Variants in THSD7A observed in about 807,000 individuals in gnomAD.
The protein encoded by THSD7A is thrombospondin type-1 domain-containing protein 7A.
THSD7A carries 96 observed loss-of-function variants against 231.3 expected under a neutral mutation model. The ratio of observed to expected loss-of-function variants is 0.41; its 90% CI spans 0.35 to 0.49. The LOEUF is 0.49. Ranked by LOEUF, THSD7A falls within the 20% of genes least tolerant of loss-of-function variation. The pLI, the probability that THSD7A is intolerant of heterozygous loss-of-function variation, is 0.05. For missense variants in THSD7A, 2,290 were observed against 2,070.2 expected (o/e 1.11, Z -2.06); for synonymous variants, 940 against 743.3 (o/e 1.26, Z -4.30).
At chr7:11,557,525 T>C (rs1251529670) in intron 4 of THSD7A, among the ~76,000 whole-genome samples, 3 of 152,094 alleles carry the variant, frequency 2.0e-5, no homozygotes, top group Non-Finnish European at 2.9e-5. Flanking sequence ...GTGACTTTGA[T>C]TGAAACCCAG....
At chr7:11,711,710 T>A (rs1335560602) in intron 1 of THSD7A, among the ~76,000 whole-genome samples, 1 of 151,158 alleles carries the variant, frequency 6.6e-6, no homozygotes, top group Non-Finnish European at 1.5e-5. Context: ...CAGAAGTATG[T>A]AACTTCATAG....
At position 11,814,379 on chromosome 7, in the gene THSD7A, T is replaced by C. The variant is rs970797745; in HGVS notation, c.190+17378A>G. ...GAGATTCATCTCATTTATAATAACA[T>C]GGCACAAAAGTAATTTTCACTCTAA... is the stretch of plus-strand genomic sequence containing the variant. On this transcript the variant is annotated intron_variant, in intron 1 of 27. Transcript: ENST00000423059. This position sits in a 1 kb window ranked among gnomAD's most constrained non-coding sequence, Gnocchi z 5.1. Among the ~76,000 whole-genome samples the C allele has an allele frequency of 2.0e-5, 3 of 152,278 alleles. No individual in the cohort carries two copies. Among genetic ancestry groups the C allele is most frequent in the South Asian group, 2.1e-4 (1 of 4,820 alleles).
chr7:11,788,651 G>C (rs1469232599), intron 1 of THSD7A, among the ~76,000 whole-genome samples: 1 of 151,964 alleles, frequency 6.6e-6, no homozygotes, highest in Non-Finnish European at 1.5e-5. Flanking sequence ...GAGACGCTTC[G>C]GAGTGTAGCA....
intron 1 of THSD7A, among the ~76,000 whole-genome samples, chr7:11,719,836 G>T (rs1257738597): frequency 6.6e-6 from 1 of 151,670 alleles, no homozygotes; most frequent in African/African-American, 2.4e-5. Flanking sequence ...TACTAAAATA[G>T]CCCTGAACCC....
rs534091962 is a variant in THSD7A, at chr7:11,699,214, T to C, written c.191-62253A>G. ...CAGACTCATTCTTTGAAAAGCAGTG[T>C]CTTTTCTTCATTTTTAAAAAAACTA... On this transcript the variant is annotated intron_variant, in intron 1 of 27. Transcript: ENST00000423059. 5.9e-4 allele frequency among the ~76,000 whole-genome samples: 89 copies of C among 151,308 alleles called. 2 individuals carry two copies. The highest frequency in any genetic ancestry group is 2.0e-3 in the African/African-American group (81 of 41,426).
At chr7:11,471,923 T>C (rs1442517747) in intron 8 of THSD7A, among the ~76,000 whole-genome samples, 1 of 152,144 alleles carries the variant, frequency 6.6e-6, no homozygotes, top group Admixed American at 6.6e-5. Flanking sequence ...ACTTTAACAA[T>C]GAGAGAGCAT....
chr7:11,476,838 T>A lies in THSD7A; in HGVS notation c.2018-2270A>T, dbSNP rs1463991450. Among the ~76,000 whole-genome samples the A allele has an allele frequency of 1.2e-3, 158 of 127,736 alleles. 2 individuals are homozygous for A. The highest frequency in any genetic ancestry group is 4.6e-3 in the South Asian group (19 of 4,110). The allele number at this position is 127,736 out of a possible 152,430, so 83.8% of individuals were successfully genotyped here. Reference sequence around the variant, plus strand: ...TCAGAGAAAAAAAAAAAAAAAAAGATAGTGTAGAAAGCGATTATATACAAA... The same window carrying A: ...TCAGAGAAAAAAAAAAAAAAAAAGAAAGTGTAGAAAGCGATTATATACAAA... On this transcript the variant is annotated intron_variant, in intron 7 of 27. Transcript: ENST00000423059.
chr7:11,698,171 C>G (rs2128143807), intron 1 of THSD7A, among the ~76,000 whole-genome samples: 1 of 151,348 alleles, frequency 6.6e-6, no homozygotes, highest in South Asian at 2.1e-4. Context: ...ACGATTATTT[C>G]TTTGTAAAAT....
At chr7:11,404,352 G>A (rs754543850) in intron 22 of THSD7A, among the ~76,000 whole-genome samples, 1 of 152,154 alleles carries the variant, frequency 6.6e-6, no homozygotes, top group African/African-American at 2.4e-5. Flanking sequence ...TCCATAGTAA[G>A]GCATATACCA....
chr7:11,808,559 T>C (rs2128183559), intron 1 of THSD7A, among the ~76,000 whole-genome samples: 1 of 152,244 alleles, frequency 6.6e-6, no homozygotes, highest in African/African-American at 2.4e-5. Context: ...AATGAAAAAA[T>C]ATAGGTTTTC....
rs530632801 is a variant in THSD7A at position 11,702,303 on chromosome 7, G to A, written c.191-65342C>T. Among the ~76,000 whole-genome samples the A allele has an allele frequency of 7.3e-5, 11 of 151,258 alleles. No individual in the cohort carries two copies. The East Asian group carries it at 1.2e-3, about 16-fold the overall frequency. ...TGAGTAGTTGTCTGAAAGGTCTGGC[G>A]AAAAATCCACGACCAAGCTCATTCA... is the stretch of plus-strand genomic sequence containing the variant. On this transcript the variant is annotated intron_variant, in intron 1 of 27. Coordinates refer to ENST00000423059, the MANE Select transcript of THSD7A (RefSeq NM_015204.3).
rs1782403593 is a variant in THSD7A, at chr7:11,379,152, G to A, written c.4719C>T (p.Thr1573=). Reference sequence around the variant, plus strand: ...GTTGGGTTGGATGTACAGCCCGACTGGTTTTCACATCTCCTCTTTTGTCCT... The same window carrying A: ...GTTGGGTTGGATGTACAGCCCGACTAGTTTTCACATCTCCTCTTTTGTCCT... ...TMEDKRGDVK[T]SRAVHPTQPS... is the part of the protein sequence containing the mutation. Residue 1573 remains threonine (T), a synonymous_variant, in exon 26 of 28, where the codon ACC becomes ACT. Transcript: ENST00000423059. 6.2e-7 allele frequency: 1 copy of A among 1,613,660 alleles called. No individual in the cohort carries two copies. The highest frequency in any genetic ancestry group is 1.3e-5 in the African/African-American group (1 of 75,016).
chr7:11,648,043 T>C (rs1303628117), intron 1 of THSD7A, among the ~76,000 whole-genome samples: 1 of 152,150 alleles, frequency 6.6e-6, no homozygotes, highest in East Asian at 1.9e-4. Flanking sequence ...TCCACTTTCA[T>C]TGAACACTCA....
At chr7:11,721,800 AT>A (rs1781362869) in intron 1 of THSD7A, among the ~76,000 whole-genome samples, 1 of 151,904 alleles carries the variant, frequency 6.6e-6, no homozygotes, top group African/African-American at 2.4e-5. Context: ...TTTCCCAATG[AT>A]TTTAGGTAAG....
At chr7:11,482,774 T>C (rs1786482958) in intron 6 of THSD7A, among the ~76,000 whole-genome samples, 1 of 152,224 alleles carries the variant, frequency 6.6e-6, no homozygotes, top group Non-Finnish European at 1.5e-5. Context: ...TCCCTCATTT[T>C]GCCCTTGACA....
At chr7:11,491,816 C>T (rs893970398) in intron 6 of THSD7A, among the ~76,000 whole-genome samples, 2 of 150,494 alleles carry the variant, frequency 1.3e-5, no homozygotes, top group African/African-American at 4.9e-5. Context: ...CCCTCCATCA[C>T]ACTAAGGAAG....
intron 1 of THSD7A, among the ~76,000 whole-genome samples, chr7:11,734,856 A>G (rs1781856274): frequency 6.6e-6 from 1 of 151,880 alleles, no homozygotes. Flanking sequence ...CATTTTTTCA[A>G]CAATGCATTT....
intron 1 of THSD7A, among the ~76,000 whole-genome samples, chr7:11,703,942 G>T (rs1780683131): frequency 6.6e-6 from 1 of 150,906 alleles, no homozygotes; most frequent in Non-Finnish European, 1.5e-5. Flanking sequence ...AATTAATTGG[G>T]GTATAATTGG....
chr7:11,701,825 A>G (rs1317340885), intron 1 of THSD7A, among the ~76,000 whole-genome samples: 1 of 151,190 alleles, frequency 6.6e-6, no homozygotes, highest in East Asian at 2.0e-4. Context: ...AAGTTGCCTC[A>G]TGTGATGAAA....
Sources: gnomAD v4.1 joint callset for allele counts (sites outside exome capture counted in the v4.1 genomes callset) on GRCh38, gnomAD v4.1.1 for gene constraint, Gnocchi (gnomAD v3.1) non-coding constraint, MANE v1.5 for transcripts, NCBI Gene and HGNC (gene_info 2026-07-23, HGNC 2026-07-21) for gene names.